The following DMRT1 variants were observed in gnomAD, a reference collection of about 807,000 sequenced individuals.
DMRT1 encodes the protein doublesex- and mab-3-related transcription factor 1.
DMRT1 carries 7 observed loss-of-function variants against 32.3 expected under a neutral mutation model. The observed-to-expected ratio is 0.22, with a 90% CI of 0.12 to 0.41. The LOEUF (loss-of-function observed/expected upper bound fraction) is 0.41. DMRT1 is among the 10% of genes least tolerant of loss of function. The probability of loss-of-function intolerance (pLI) is 1.00; values close to 1 mark genes in which losing one functional copy is unlikely to be tolerated. For missense variants in DMRT1, 625 were observed against 500.5 expected (o/e 1.25, Z -2.37); for synonymous variants, 278 against 206.1 (o/e 1.35, Z -2.99).
At chr9:890,979 C>A (rs1189189950) in intron 2 of DMRT1, among the ~76,000 whole-genome samples, 1 of 151,260 alleles carries the variant, frequency 6.6e-6, no homozygotes, top group African/African-American at 2.4e-5. Context: ...ATCAGACCTA[C>A]CTCAGCCTCC....
chr9:905,114 T>C (rs1586597099), intron 3 of DMRT1, among the ~76,000 whole-genome samples: 1 of 152,188 alleles, frequency 6.6e-6, no homozygotes, highest in South Asian at 2.1e-4. Context: ...TGCATGGTGA[T>C]AGATTGACTT....
chr9:867,851 T>C (rs934967952), intron 2 of DMRT1, among the ~76,000 whole-genome samples: 4 of 152,248 alleles, frequency 2.6e-5, no homozygotes, highest in Non-Finnish European at 4.4e-5. Flanking sequence ...TCTTGAGATA[T>C]ATTTTCTCTG....
At chr9:902,007 T>A (rs2129678922) in intron 3 of DMRT1, among the ~76,000 whole-genome samples, 1 of 150,182 alleles carries the variant, frequency 6.7e-6, no homozygotes, top group Non-Finnish European at 1.5e-5. Flanking sequence ...CCTCCCTAGT[T>A]CAAGCGGTTC....
At chr9:863,931 T>C (rs961065998) in intron 2 of DMRT1, among the ~76,000 whole-genome samples, 11 of 152,182 alleles carry the variant, frequency 7.2e-5, no homozygotes, top group African/African-American at 2.4e-4. Flanking sequence ...TTGTGGAGAT[T>C]GGCCCTTTTT....
At chr9:902,434 T>C (rs1377491186) in intron 3 of DMRT1, among the ~76,000 whole-genome samples, 1 of 151,658 alleles carries the variant, frequency 6.6e-6, no homozygotes, top group East Asian at 1.9e-4. Flanking sequence ...TTAGCAATTA[T>C]GTGGACTTAC....
At chr9:946,482 C>G (rs1034485105) in intron 4 of DMRT1, among the ~76,000 whole-genome samples, 6 of 152,100 alleles carry the variant, frequency 3.9e-5, no homozygotes, top group Non-Finnish European at 8.8e-5. Flanking sequence ...CCGTGGCTCT[C>G]TCCTCCCTCT....
At chr9:952,363 A>G (rs1022607706) in intron 4 of DMRT1, among the ~76,000 whole-genome samples, 1 of 152,198 alleles carries the variant, frequency 6.6e-6, no homozygotes, top group African/African-American at 2.4e-5. Flanking sequence ...TCGGCTCCCA[A>G]AGAGGCTCTT....
chr9:930,668 A>G (rs1305972095), intron 4 of DMRT1, among the ~76,000 whole-genome samples: 1 of 152,050 alleles, frequency 6.6e-6, no homozygotes, highest in Non-Finnish European at 1.5e-5. Context: ...TCAGCTTCCC[A>G]AAGTGCTGGG....
Position 885,999 on chromosome 9 carries a change from T to C in DMRT1, c.539-7913T>C, listed in dbSNP as rs1816913475. The stretch of plus-strand genomic sequence containing the variant: ...TTCTGTTATTATTCATTAAGCAATT[T>C]TGGCCAATTATCATTCTAGAAAAAT... On this transcript the variant is annotated intron_variant, in intron 2 of 4. Transcript: ENST00000382276. Among the ~76,000 whole-genome samples, 3 of 152,332 alleles carry C rather than the reference T, an allele frequency of 2.0e-5. No individual in the cohort carries two copies. The South Asian group carries it at 6.2e-4, about 32-fold the overall frequency.
intron 2 of DMRT1, among the ~76,000 whole-genome samples, chr9:871,481 C>CCT (rs1564211981): frequency 1.3e-5 from 2 of 148,528 alleles, no homozygotes; most frequent in Admixed American, 6.8e-5. Flanking sequence ...TACAGGCATG[C>CCT]GCCACCACGC....
intron 3 of DMRT1, among the ~76,000 whole-genome samples, chr9:896,426 G>A (rs980194850): frequency 5.3e-5 from 8 of 151,074 alleles, no homozygotes; most frequent in African/African-American, 1.2e-4. Flanking sequence ...TTATAGGCAC[G>A]CACCACCACT....
chr9:919,533 G>T (rs1457121247), intron 4 of DMRT1, among the ~76,000 whole-genome samples: 1 of 152,118 alleles, frequency 6.6e-6, no homozygotes, highest in African/African-American at 2.4e-5. Flanking sequence ...CCTGAAAAAC[G>T]TTAAGAGGGT....
At chr9:872,709 T>G (rs1437070384) in intron 2 of DMRT1, among the ~76,000 whole-genome samples, 2 of 152,262 alleles carry the variant, frequency 1.3e-5, no homozygotes, top group Non-Finnish European at 2.9e-5. Flanking sequence ...ATACAACATT[T>G]CGTTTACTCA....
intron 4 of DMRT1, among the ~76,000 whole-genome samples, chr9:957,758 C>A (rs903902726): frequency 6.6e-6 from 1 of 152,130 alleles, no homozygotes; most frequent in African/African-American, 2.4e-5. Context: ...GCCTGTAATC[C>A]CAGCACTTTG....
chr9:961,013 C>T lies in DMRT1; in HGVS notation c.968-6972C>T, dbSNP rs142568506. 1.8e-3 allele frequency among the ~76,000 whole-genome samples: 276 copies of T among 152,256 alleles called. 1 individual carries two copies. Among genetic ancestry groups the T allele is most frequent in the African/African-American group, 6.1e-3 (254 of 41,538 alleles). ...GAACGTAGCACTTAATGGGGCCCCA[C>T]GCCTTGTGTAGAATCCTCCTAAGTG... On this transcript the variant is annotated intron_variant, in intron 4 of 4. Coordinates refer to ENST00000382276, the MANE Select transcript of DMRT1 (RefSeq NM_021951.3).
Position 968,102 on chromosome 9 carries a change from G to A in DMRT1, c.1085G>A (p.Ser362Asn), listed in dbSNP as rs1564282553. ...LECEPASEPS[S>N]FTVTPVIEED... Reference sequence around the variant, plus strand: ...TGTGAGCCTGCGTCGGAGCCCAGCAGCTTCACAGTCACTCCCGTCATCGAG... The same window carrying A: ...TGTGAGCCTGCGTCGGAGCCCAGCAACTTCACAGTCACTCCCGTCATCGAG... The change falls in exon 5 of 5, where the codon AGC becomes AAC. Residue 362 changes from serine (S) to asparagine (N), a missense_variant. Around this residue, in one of 3 missense-constraint regions of DMRT1, gnomAD observed 416 missense variants for 321.6 expected, o/e 1.29. Transcript: ENST00000382276. The A allele has an allele frequency of 6.2e-7, 1 of 1,614,142 alleles. No individual in the cohort carries two copies. The highest frequency in any genetic ancestry group is 1.1e-5 in the South Asian group (1 of 91,088).
At chr9:877,499 T>G (rs1367795789) in intron 2 of DMRT1, among the ~76,000 whole-genome samples, 1 of 152,214 alleles carries the variant, frequency 6.6e-6, no homozygotes, top group Non-Finnish European at 1.5e-5. Context: ...AATGTAAAGC[T>G]GCACTTTTTG....
intron 2 of DMRT1, among the ~76,000 whole-genome samples, chr9:870,358 C>T (rs1394644103): frequency 3.3e-5 from 5 of 152,094 alleles, no homozygotes; most frequent in African/African-American, 9.7e-5. Flanking sequence ...GAGATCATGC[C>T]GCTGCACTCC....
intron 2 of DMRT1, among the ~76,000 whole-genome samples, chr9:891,527 T>C (rs1246968965): frequency 6.6e-6 from 1 of 151,018 alleles, no homozygotes; most frequent in East Asian, 2.0e-4. Flanking sequence ...TTTTTTTTTT[T>C]TCTCCCAGAC....
Sources: allele counts gnomAD v4.1 joint callset (sites outside exome capture counted in the v4.1 genomes callset), GRCh38; gene constraint gnomAD v4.1.1; regional missense constraint gnomAD v4.1.1; transcripts MANE v1.5; gene names NCBI Gene and HGNC (gene_info 2026-07-23, HGNC 2026-07-21).